Variants in STIM1 observed in about 807,000 individuals in gnomAD.
STIM1 encodes the protein stromal interaction molecule 1.
A neutral mutation model predicts 74.7 loss-of-function variants in STIM1; 25 were observed. That is an observed-to-expected ratio of 0.33 (90% CI 0.24 to 0.47). STIM1 has a LOEUF of 0.47. Ranked by LOEUF, STIM1 falls within the 20% of genes least tolerant of loss-of-function variation. The pLI is 1.00. For synonymous variants in STIM1, 328 were observed against 348.8 expected (o/e 0.94, Z 0.66); for missense variants, 728 against 920.8 (o/e 0.79, Z 2.71).
intron 12 of STIM1, chr11:4,088,698 C>T (rs1204600180): frequency 1.1e-5 from 17 of 1,535,766 alleles, no homozygotes; most frequent in Middle Eastern, 1.7e-4. Flanking sequence ...GCACCACGCA[C>T]CAGAGGATCA....
In STIM1 at chr11:4,055,451, T is replaced by A. The variant is rs1424540959; in HGVS notation, c.386-75T>A. On this transcript the variant is annotated intron_variant, in intron 3 of 12. Transcript: ENST00000526596. ...TTAAACACACAAATGTGGTAAATAT[T>A]AAGGTCAGCATGACAACAAATGAAA... 17 of 1,130,222 alleles carry A rather than the reference T, an allele frequency of 1.5e-5. No homozygotes were observed. In the East Asian group the frequency reaches 4.4e-4, roughly 29 times the overall value. The allele number at this position is 1,130,222 out of a possible 1,614,324, so 70.0% of individuals were successfully genotyped here.
intron 1 of STIM1, among the ~76,000 whole-genome samples, chr11:3,926,088 T>C (rs2092785012): frequency 6.6e-6 from 1 of 152,238 alleles, no homozygotes; most frequent in East Asian, 1.9e-4. Flanking sequence ...GTAATTTTAA[T>C]ATTATCTTTA....
chr11:3,994,547 C>G (rs939071483), intron 2 of STIM1, among the ~76,000 whole-genome samples: 1 of 149,832 alleles, frequency 6.7e-6, no homozygotes, highest in African/African-American at 2.5e-5. Flanking sequence ...TCCAATCTGA[C>G]TCCTGGGTTC....
chr11:4,032,216 C>T (rs1169730477), intron 3 of STIM1, among the ~76,000 whole-genome samples: 1 of 152,140 alleles, frequency 6.6e-6, no homozygotes, highest in Non-Finnish European at 1.5e-5. Context: ...ACACTGTAGT[C>T]CCAGCTATTC....
At chr11:4,062,346 A>G (rs1014823540) in intron 5 of STIM1, among the ~76,000 whole-genome samples, 1 of 152,226 alleles carries the variant, frequency 6.6e-6, no homozygotes, top group Non-Finnish European at 1.5e-5. Flanking sequence ...CTTGCTAGGT[A>G]CGGTGGCTCA....
At chr11:3,929,105 C>G (rs986858954) in intron 1 of STIM1, among the ~76,000 whole-genome samples, 1 of 152,196 alleles carries the variant, frequency 6.6e-6, no homozygotes, top group South Asian at 2.1e-4. Context: ...CTCGCCTCAG[C>G]CTCCCAAAGT....
In STIM1 at chr11:3,856,425, GGGCTGGACTGGGCTGGAGGCTTT is replaced by G. The variant is rs1565091080; in HGVS notation, c.139+21_139+43del. 6.2e-7 allele frequency: 1 copy of G among 1,611,378 alleles called. No individual in the cohort carries two copies. Among genetic ancestry groups the G allele is most frequent in the Non-Finnish European group, 8.5e-7 (1 of 1,178,602 alleles). ...ACTGCAGCAGGTAAGGCCTTGCTGCGGGCTGGACTGGGCTGGAGGCTTTGGCTCAGGACTGAGTGGCCCGAAGT... is the reference window on the plus strand; with the variant it reads ...ACTGCAGCAGGTAAGGCCTTGCTGCGGGCTCAGGACTGAGTGGCCCGAAGT... On this transcript the variant is annotated intron_variant, in intron 1 of 12. Coordinates refer to ENST00000526596, the MANE Select transcript of STIM1 (RefSeq NM_001382567.1).
intron 3 of STIM1, among the ~76,000 whole-genome samples, chr11:4,036,044 C>T (rs565240399): frequency 5.3e-5 from 8 of 152,114 alleles, no homozygotes; most frequent in African/African-American, 1.9e-4. Flanking sequence ...GTATGTTGTT[C>T]CCCCTGATGT....
At chr11:3,892,382 G>A in intron 1 of STIM1, 1 of 1,398,270 alleles carries the variant, frequency 7.2e-7, no homozygotes, top group South Asian at 1.2e-5. Context: ...TAAAACACAA[G>A]TCAAACTTAT....
chr11:3,947,026 T>C (rs2093084126), intron 1 of STIM1, among the ~76,000 whole-genome samples: 1 of 152,108 alleles, frequency 6.6e-6, no homozygotes, highest in African/African-American at 2.4e-5. Context: ...TCCTCATCTG[T>C]AAAACTAAGT....
At chr11:4,008,791 C>T (rs1482467133) in intron 2 of STIM1, among the ~76,000 whole-genome samples, 1 of 152,100 alleles carries the variant, frequency 6.6e-6, no homozygotes, top group African/African-American at 2.4e-5. Context: ...CACAGAAAAC[C>T]CATGCACACA....
intron 3 of STIM1, among the ~76,000 whole-genome samples, chr11:4,033,344 C>CT: frequency 6.6e-6 from 1 of 152,236 alleles, no homozygotes; most frequent in East Asian, 1.9e-4. Context: ...GATGCGGGCT[C>CT]TTTTTTGGTT....
intron 1 of STIM1, among the ~76,000 whole-genome samples, chr11:3,919,489 G>A (rs1261400971): frequency 6.6e-6 from 1 of 152,080 alleles, no homozygotes; most frequent in Non-Finnish European, 1.5e-5. Flanking sequence ...ACAGGTGTGA[G>A]CCACCATGCC....
chr11:3,882,052 G>C (rs2091528428), intron 1 of STIM1, among the ~76,000 whole-genome samples: 1 of 149,498 alleles, frequency 6.7e-6, no homozygotes, highest in South Asian at 2.1e-4. Flanking sequence ...GTAAGTTTTA[G>C]AGGTTCATCT....
At chr11:3,919,799 G>A (rs1204920859) in intron 1 of STIM1, among the ~76,000 whole-genome samples, 4 of 152,118 alleles carry the variant, frequency 2.6e-5, no homozygotes, top group African/African-American at 7.2e-5. Flanking sequence ...TCACATAACA[G>A]TTTGGTGGTG....
rs74707306 is a variant in STIM1 at position 4,044,695 on chromosome 11, G to T, written c.386-10831G>T. ...CAAACCAAAACAATCTTGAGGTTTG[G>T]TCTGACATGCTGAAGCTATTCTCCT... On this transcript the variant is annotated intron_variant, in intron 3 of 12. Coordinates refer to ENST00000526596, the MANE Select transcript of STIM1 (RefSeq NM_001382567.1). 6.4e-4 allele frequency among the ~76,000 whole-genome samples: 98 copies of T among 152,268 alleles called. 1 individual carries two copies. In the East Asian group the frequency reaches 0.018, roughly 28 times the overall value.
chr11:4,001,104 G>A (rs11827535), intron 2 of STIM1, among the ~76,000 whole-genome samples: 7,349 of 152,132 alleles, frequency 0.048, 527 homozygotes, highest in African/African-American at 0.16. Flanking sequence ...CCAAATCTGC[G>A]TCTGATTGGT....
intron 12 of STIM1, chr11:4,088,437 A>C: frequency 4.9e-6 from 2 of 411,706 alleles, no homozygotes; most frequent in South Asian, 2.3e-5. Context: ...TTTCTCTTGC[A>C]CAAAGGGATT....
At chr11:4,061,155 T>C (rs544913297) in intron 5 of STIM1, among the ~76,000 whole-genome samples, 1 of 152,300 alleles carries the variant, frequency 6.6e-6, no homozygotes, top group South Asian at 2.1e-4. Context: ...TCTGAAAGGA[T>C]ACAGTAGAAA....
Sources: allele counts gnomAD v4.1 joint callset (sites outside exome capture counted in the v4.1 genomes callset), GRCh38; gene constraint gnomAD v4.1.1; transcripts MANE v1.5; gene names NCBI Gene and HGNC (gene_info 2026-07-23, HGNC 2026-07-21).